The following ZMIZ1 variants were observed in gnomAD, a reference collection of about 807,000 sequenced individuals.
ZMIZ1 encodes zinc finger MIZ domain-containing protein 1.
ZMIZ1 carries 17 observed loss-of-function variants against 113.9 expected under a neutral mutation model. The observed-to-expected ratio is 0.15, with a 90% CI of 0.10 to 0.22. The LOEUF (loss-of-function observed/expected upper bound fraction) is 0.22, where lower values mean the gene tolerates loss of function less well. ZMIZ1 is among the 10% of genes least tolerant of loss of function. ZMIZ1 has a pLI of 1.00. For missense variants in ZMIZ1, 1,059 were observed against 1,477.8 expected, an observed-to-expected ratio of 0.72 and a Z score of 4.65; for synonymous variants, 607 against 603.1, an observed-to-expected ratio of 1.01 and a Z score of -0.09.
intron 4 of ZMIZ1, among the ~76,000 whole-genome samples, chr10:79,198,847 A>G (rs1847948898): frequency 6.6e-6 from 1 of 152,128 alleles, no homozygotes; most frequent in South Asian, 2.1e-4. Flanking sequence ...CAGCCTGGCC[A>G]GTATGGTGAA....
Position 79,118,760 on chromosome 10 carries a change from G to T in ZMIZ1, c.-336-155G>T, listed in dbSNP as rs1844163819. 6.6e-6 allele frequency among the ~76,000 whole-genome samples: 1 copy of T among 152,208 alleles called. No individual in the cohort carries two copies. The highest frequency in any genetic ancestry group is 2.1e-4 in the South Asian group (1 of 4,834). On this transcript the variant is annotated intron_variant, in intron 1 of 24. Transcript: ENST00000334512. The surrounding 1 kb of genome is among the most constrained non-coding windows in gnomAD (Gnocchi z 4.1). Reference sequence around the variant, plus strand: ...CTGCGACCTTTATTTGGCAGTGGCAGGACGGTATCCAGTGTCTCGAGTAGC... The same window carrying T: ...CTGCGACCTTTATTTGGCAGTGGCATGACGGTATCCAGTGTCTCGAGTAGC...
intron 1 of ZMIZ1, among the ~76,000 whole-genome samples, chr10:79,080,995 T>C (rs546250473): frequency 1.3e-5 from 2 of 152,252 alleles, no homozygotes; most frequent in African/African-American, 4.8e-5. Flanking sequence ...CTGATGCCTG[T>C]CATACGGATG....
At chr10:79,078,695 C>T (rs1363937902) in intron 1 of ZMIZ1, among the ~76,000 whole-genome samples, 2 of 148,010 alleles carry the variant, frequency 1.4e-5, no homozygotes, top group Non-Finnish European at 3.0e-5. Flanking sequence ...CAGGCATGCG[C>T]ACCCATGCCC....
At chr10:79,161,476 T>C (rs1386664155) in intron 3 of ZMIZ1, among the ~76,000 whole-genome samples, 5 of 152,190 alleles carry the variant, frequency 3.3e-5, no homozygotes, top group African/African-American at 1.2e-4. Flanking sequence ...TCTTGGAGTC[T>C]TCACATATGC....
At chr10:79,303,870 C>T in intron 18 of ZMIZ1, 145 bp from the exon 19 acceptor site, 2 of 1,201,638 alleles carry the variant, frequency 1.7e-6, no homozygotes, top group Admixed American at 4.1e-5. Context: ...CAGTGCCACA[C>T]ACTGCCCTCT....
At chr10:79,242,701 C>T (rs973089335) in intron 7 of ZMIZ1, among the ~76,000 whole-genome samples, 1 of 151,826 alleles carries the variant, frequency 6.6e-6, no homozygotes. Flanking sequence ...AGCGCCTTCC[C>T]GGCGGCCTCC....
At chr10:79,168,636 A>C (rs535071543) in intron 4 of ZMIZ1, among the ~76,000 whole-genome samples, 2 of 152,340 alleles carry the variant, frequency 1.3e-5, no homozygotes, top group African/African-American at 4.8e-5. Context: ...GGCCGTATTA[A>C]GAAGGATTCG....
chr10:79,274,646 G>A lies in ZMIZ1; in HGVS notation c.281-2535G>A, dbSNP rs193041700. Among the ~76,000 whole-genome samples, 202 of 152,342 alleles carry A rather than the reference G, an allele frequency of 1.3e-3. 5 individuals are homozygous for A. The East Asian group carries it at 0.027, about 20-fold the overall frequency. ...TGCCAGCGTGGCCTCTGTGCTCACC[G>A]GCCTCGGGGGTGAGGGGTGGTGACT... On this transcript the variant is annotated intron_variant, in intron 7 of 24. Transcript: ENST00000334512.
At chr10:79,134,889 G>A (rs1370208739) in intron 2 of ZMIZ1, among the ~76,000 whole-genome samples, 4 of 151,904 alleles carry the variant, frequency 2.6e-5, no homozygotes, top group Non-Finnish European at 5.9e-5. Context: ...TGCTATCTTG[G>A]CTCACTGCAA....
chr10:79,210,333 T>C (rs1357284035), intron 6 of ZMIZ1, among the ~76,000 whole-genome samples: 2 of 152,234 alleles, frequency 1.3e-5, no homozygotes, highest in East Asian at 1.9e-4. Context: ...CTCGGTCCTC[T>C]TGTCCATGCG....
chr10:79,100,597 G>A (rs990736347), intron 1 of ZMIZ1, among the ~76,000 whole-genome samples: 1 of 152,200 alleles, frequency 6.6e-6, no homozygotes, highest in Non-Finnish European at 1.5e-5. Flanking sequence ...ACATTGTGGG[G>A]TGAAGAGTGC....
intron 7 of ZMIZ1, among the ~76,000 whole-genome samples, chr10:79,220,634 T>TGGTCTTG (rs1485331418): frequency 3.3e-5 from 5 of 152,194 alleles, no homozygotes; most frequent in African/African-American, 4.8e-5. Context: ...TTTCTTTCTT[T>TGGTCTTG]GGTCTTGGGT....
rs774298396 is a variant in ZMIZ1, at chr10:79,289,766, C to G, written c.426-9C>G. The G allele has an allele frequency of 6.2e-6, 10 of 1,612,836 alleles. No homozygotes were observed. The East Asian group carries it at 2.2e-4, about 36-fold the overall frequency. ...GGCCCTGAAGATCTCCCTCTGTCTC[C>G]CTCTGCAGTGATGGGTCGTTCCCCT... is the stretch of plus-strand genomic sequence containing the variant. On this transcript the variant is annotated splice_polypyrimidine_tract_variant and intron_variant, in intron 8 of 24. Coordinates refer to ENST00000334512, the MANE Select transcript of ZMIZ1 (RefSeq NM_020338.4).
intron 4 of ZMIZ1, among the ~76,000 whole-genome samples, chr10:79,192,466 T>C (rs1283249415): frequency 1.3e-5 from 2 of 152,150 alleles, no homozygotes; most frequent in African/African-American, 4.8e-5. Context: ...TGTTGGGAGA[T>C]TGGATCATGA....
intron 7 of ZMIZ1, among the ~76,000 whole-genome samples, chr10:79,247,772 T>C (rs1252912121): frequency 1.3e-5 from 2 of 152,206 alleles, no homozygotes; most frequent in East Asian, 3.8e-4. Flanking sequence ...TGGAGAGTTG[T>C]TGGGTCTGAG....
At chr10:79,311,304 G>GGT in intron 24 of ZMIZ1, 120 bp downstream of exon 24, 1 of 359,152 alleles carries the variant, frequency 2.8e-6, no homozygotes, top group Non-Finnish European at 5.5e-6. Context: ...TGGGCGGTGG[G>GGT]AGGGCTTCAC....
rs369458805 is a variant in ZMIZ1 at position 79,092,933 on chromosome 10, C to T, written c.-337+23663C>T. 9.2e-4 allele frequency among the ~76,000 whole-genome samples: 140 copies of T among 151,784 alleles called. No homozygotes were observed. In the Middle Eastern group the frequency reaches 0.024, roughly 26 times the overall value. On this transcript the variant is annotated intron_variant, in intron 1 of 24. Transcript: ENST00000334512. ...CCTTGAGATAGTGAGGAGACAGTAC[C>T]GGAAGCAGCACCCCCAAAGCCGTTT...
chr10:79,221,888 C>T (rs1299843733), intron 7 of ZMIZ1, among the ~76,000 whole-genome samples: 2 of 152,266 alleles, frequency 1.3e-5, no homozygotes, highest in Non-Finnish European at 2.9e-5. Context: ...CCTTCTCGCG[C>T]CCTTCCTGTC....
At chr10:79,299,279 A>AG in intron 16 of ZMIZ1, 88 bp downstream of exon 16, 1 of 1,499,378 alleles carries the variant, frequency 6.7e-7, no homozygotes, top group Admixed American at 2.1e-5. Flanking sequence ...GGCCCTGGGC[A>AG]GGGGGTAGCA....
Sources: gnomAD v4.1 joint callset for allele counts (sites outside exome capture counted in the v4.1 genomes callset) on GRCh38, gnomAD v4.1.1 for gene constraint, Gnocchi (gnomAD v3.1) non-coding constraint, MANE v1.5 for transcripts, NCBI Gene and HGNC (gene_info 2026-07-23, HGNC 2026-07-21) for gene names.